The following PLCH2 variants were observed in gnomAD, a reference collection of about 807,000 sequenced individuals.
PLCH2 encodes the protein phospholipase C eta 2.
PLCH2 carries 98 observed loss-of-function variants against 134.7 expected under a neutral mutation model. The ratio of observed to expected loss-of-function variants is 0.73; its 90% CI spans 0.62 to 0.86. The LOEUF is 0.86. Among genes scored for constraint, PLCH2 ranks in the 40% least tolerant of loss-of-function variants. The pLI is 0.00. For missense variants in PLCH2, 1,994 were observed against 1,986.6 expected (o/e 1.00, Z -0.07); for synonymous variants, 974 against 827.5 (o/e 1.18, Z -3.04).
intron 2 of PLCH2, among the ~76,000 whole-genome samples, chr1:2,436,022 C>CGT (rs1639322615): frequency 1.0e-5 from 1 of 99,228 alleles, no homozygotes; most frequent in East Asian, 3.3e-4. Context: ...CCTCCTCTCT[C>CGT]CTCCCTCCTC....
intron 21 of PLCH2, chr1:2,503,674 T>C (rs1381736628): frequency 4.5e-6 from 3 of 672,974 alleles, no homozygotes; most frequent in Admixed American, 2.1e-5. Context: ...TGTCCCGTGC[T>C]GTCCCAGCCC....
intron 2 of PLCH2, among the ~76,000 whole-genome samples, chr1:2,446,305 C>A (rs1483519220): frequency 6.6e-6 from 1 of 152,242 alleles, no homozygotes; most frequent in Non-Finnish European, 1.5e-5. Context: ...TTCTGGGGTT[C>A]CATTGCCACT....
the PLCH2 span, among the ~76,000 whole-genome samples, chr1:2,417,906 C>T: frequency 4.6e-3 from 699 of 152,330 alleles, 4 homozygotes; most frequent in Non-Finnish European, 7.2e-3. Context: ...CCCTGCCTCC[C>T]GGGTTATGAG....
rs765903757 is a variant in PLCH2 at position 2,504,402 on chromosome 1, C to T, written c.3440C>T (p.Ser1147Phe). The T allele has an allele frequency of 8.1e-6, 13 of 1,612,292 alleles. No homozygotes were observed. The highest frequency in any genetic ancestry group is 1.6e-4 in the Middle Eastern group (1 of 6,082). Residue 1147 changes from serine to phenylalanine, a missense_variant, in exon 22 of 22, where the codon TCC (serine) becomes TTC (phenylalanine). Ser to Phe is a radical substitution (Grantham distance 155). Around this residue, in one of 2 missense-constraint regions of PLCH2, gnomAD observed 900 missense variants for 752.3 expected, o/e 1.20. Coordinates refer to ENST00000378486, the MANE Select transcript of PLCH2 (RefSeq NM_014638.4). ...CGHRDSVSSS[S>F]SMSSSDTVID... ...CACCGAGACAGCGTTTCCTCCTCCT[C>T]CAGCATGTCATCCAGCGACACTGTC...
At chr1:2,499,867 T>C in intron 20 of PLCH2, 147 bp downstream of exon 20, 1 of 669,974 alleles carries the variant, frequency 1.5e-6, no homozygotes, top group Non-Finnish European at 2.7e-6. Flanking sequence ...CTCCTCTATC[T>C]CAAGAGGGGC....
intron 2 of PLCH2, among the ~76,000 whole-genome samples, chr1:2,460,268 C>A (rs1640749913): frequency 6.6e-6 from 1 of 152,260 alleles, no homozygotes. Context: ...CCCCCAAGAG[C>A]TAGGACCCCT....
Position 2,459,095 on chromosome 1 carries a change from G to T in PLCH2, c.116-19381G>T, listed in dbSNP as rs1640642404. 2.0e-5 allele frequency among the ~76,000 whole-genome samples: 3 copies of T among 152,288 alleles called. No individual in the cohort carries two copies. The South Asian group carries it at 6.2e-4, about 31-fold the overall frequency. On this transcript the variant is annotated intron_variant, in intron 2 of 3. Transcript: ENST00000609981. ...GTGGCTGGGTTGCACCCATCTGGAGGTGGGGCTCAGGAGGCGGCCTTGGTG... is the reference window on the plus strand; with the variant it reads ...GTGGCTGGGTTGCACCCATCTGGAGTTGGGGCTCAGGAGGCGGCCTTGGTG...
Position 2,498,119 on chromosome 1 carries a change from A to C in PLCH2, c.2225-404A>C. On this transcript the variant is annotated intron_variant, in intron 16 of 21. Coordinates refer to ENST00000378486, the MANE Select transcript of PLCH2 (RefSeq NM_014638.4). This position sits in a 1 kb window ranked among gnomAD's most constrained non-coding sequence, Gnocchi z 5.4. ...GCTGGGCGAGCAGGCCTCCCACTAG[A>C]CCAGGCTACTCCTGCTGTGGACCAG... is the stretch of plus-strand genomic sequence containing the variant. The C allele has an allele frequency of 4.0e-6, 1 of 251,972 alleles. No homozygotes were observed. The highest frequency in any genetic ancestry group is 9.1e-5 in the East Asian group (1 of 10,992). 15.6% of individuals were successfully genotyped at this position (251,972 alleles called of 1,614,324 possible).
upstream of PLCH2, among the ~76,000 whole-genome samples, chr1:2,473,106 C>T (rs544624074): frequency 8.5e-5 from 13 of 152,230 alleles, no homozygotes; most frequent in East Asian, 5.8e-4. Context: ...AAGCCAACAC[C>T]GCCCTGGCTT....
chr1:2,446,550 G>C (rs1216829660), intron 2 of PLCH2, among the ~76,000 whole-genome samples: 1 of 152,234 alleles, frequency 6.6e-6, no homozygotes, highest in African/African-American at 2.4e-5. Context: ...TCTTAGGTCT[G>C]TTGTGTAACA....
Position 2,486,916 on chromosome 1 carries a change from G to A in PLCH2, c.826G>A (p.Val276Met), listed in dbSNP as rs1180533843. The A allele has an allele frequency of 6.2e-7, 1 of 1,605,228 alleles. No individual in the cohort carries two copies. The highest frequency in any genetic ancestry group is 1.7e-5 in the Admixed American group (1 of 59,002). ...CCCTGCTCTGGCCTAGATGGCGGGT[G>A]TGACCCTCGAGAGCTGCCAGGACAT... ...FLQVEQKMAG[V>M]TLESCQDIIE... Residue 276 changes from valine (V) to methionine (M), a missense_variant, in exon 6 of 22, where the codon GTG (valine) becomes ATG (methionine). Transcript: ENST00000378486.
At chr1:2,454,189 G>A (rs932270624) in intron 2 of PLCH2, among the ~76,000 whole-genome samples, 4 of 152,196 alleles carry the variant, frequency 2.6e-5, no homozygotes, top group Non-Finnish European at 4.4e-5. Flanking sequence ...GAGCTCCTAG[G>A]GCAGGAACTG....
Position 2,505,028 on chromosome 1 carries a change from G to T in PLCH2, c.4066G>T (p.Ala1356Ser). Residue 1356 changes from alanine (A) to serine (S), a missense_variant, in exon 22 of 22, where the codon GCC becomes TCC. Transcript: ENST00000378486. The stretch of plus-strand genomic sequence containing the variant: ...TGCCATTGCCAGCCGGGCCCGCCAG[G>T]CCCAGGAGCGGCAGCAGAGACTGCA... ...VRAIASRARQ[A>S]QERQQRLQGL... 6.5e-7 allele frequency: 1 copy of T among 1,544,038 alleles called. No individual in the cohort carries two copies.
In PLCH2 at chr1:2,482,198, C is replaced by T. The variant is rs527963560; in HGVS notation, c.645+1886C>T. Among the ~76,000 whole-genome samples, 17 of 152,352 alleles carry T rather than the reference C, an allele frequency of 1.1e-4. No homozygotes were observed. The Middle Eastern group carries it at 0.01, about 91-fold the overall frequency. On this transcript the variant is annotated intron_variant, in intron 4 of 21. Coordinates refer to ENST00000378486, the MANE Select transcript of PLCH2 (RefSeq NM_014638.4). The stretch of plus-strand genomic sequence containing the variant: ...CTCAGGCCCCGAGGGCCTCACTGTC[C>T]GAGCATTTTTGTTCCTGCTCAGTGG...
chr1:2,472,053 G>T (rs1297726580), upstream of PLCH2, among the ~76,000 whole-genome samples: 1 of 152,140 alleles, frequency 6.6e-6, no homozygotes, highest in Non-Finnish European at 1.5e-5. Flanking sequence ...CCCTGCCCTT[G>T]CTGGGACCCC....
upstream of PLCH2, among the ~76,000 whole-genome samples, chr1:2,424,951 A>C (rs1238822433): frequency 6.6e-6 from 1 of 152,122 alleles, no homozygotes; most frequent in East Asian, 1.9e-4. Flanking sequence ...GCTCCACTGC[A>C]CTCCATCCTG....
At position 2,476,561 on chromosome 1, in the gene PLCH2, G is replaced by A. The variant is rs760729670; in HGVS notation, c.-28G>A. 28 of 1,476,208 alleles carry A rather than the reference G, an allele frequency of 1.9e-5. No homozygotes were observed. The highest frequency in any genetic ancestry group is 4.8e-4 in the Middle Eastern group (2 of 4,180). The allele number at this position is 1,476,208 out of a possible 1,614,324, so 91.4% of individuals were successfully genotyped here. On this transcript the variant is annotated 5_prime_UTR_variant, in exon 1 of 22. In the 5' UTR this introduces an upstream ATG that the reference lacks. Coordinates refer to ENST00000378486, the MANE Select transcript of PLCH2 (RefSeq NM_014638.4). ...AGGCCGGTGGGCCTCTGTGGCCTCC[G>A]TGAAGCAGGCCCGGCTGTCGTCAGG...
chr1:2,476,563 G>A lies in PLCH2; in HGVS notation c.-26G>A, dbSNP rs550255950. The stretch of plus-strand genomic sequence containing the variant: ...GCCGGTGGGCCTCTGTGGCCTCCGT[G>A]AAGCAGGCCCGGCTGTCGTCAGGCC... On this transcript the variant is annotated 5_prime_UTR_variant, in exon 1 of 22. Coordinates refer to ENST00000378486, the MANE Select transcript of PLCH2 (RefSeq NM_014638.4). 664 of 1,479,436 alleles carry A rather than the reference G, an allele frequency of 4.5e-4. No individual in the cohort carries two copies. The highest frequency in any genetic ancestry group is 5.6e-4 in the Non-Finnish European group (630 of 1,120,828). The allele number at this position is 1,479,436 out of a possible 1,614,324, so 91.6% of individuals were successfully genotyped here.
rs1257722824 is a variant in PLCH2 at position 2,448,124 on chromosome 1, G to T, written c.115+17495G>T. 6.6e-6 allele frequency among the ~76,000 whole-genome samples: 1 copy of T among 152,246 alleles called. No individual in the cohort carries two copies. The highest frequency in any genetic ancestry group is 2.4e-5 in the African/African-American group (1 of 41,468). ...CCTTGTCAGGAACGCTTTGCTGACA[G>T]CTGGGCTGCCCTTGCCCTCCTGGAG... On this transcript the variant is annotated intron_variant, in intron 2 of 3. Coordinates refer to the PLCH2 transcript ENST00000609981. This position sits in a 1 kb window ranked among gnomAD's most constrained non-coding sequence, Gnocchi z 4.0.
Sources: allele counts gnomAD v4.1 joint callset (sites outside exome capture counted in the v4.1 genomes callset), GRCh38; gene constraint gnomAD v4.1.1; regional missense constraint gnomAD v4.1.1; non-coding constraint Gnocchi (gnomAD v3.1); transcripts MANE v1.5; gene names NCBI Gene and HGNC (gene_info 2026-07-23, HGNC 2026-07-21).